The following PLCD4 variants were observed in gnomAD, a reference collection of about 807,000 sequenced individuals.
PLCD4 encodes the protein 1-phosphatidylinositol 4,5-bisphosphate phosphodiesterase delta-4.
PLCD4 carries 63 observed loss-of-function variants against 90.2 expected under a neutral mutation model. The observed-to-expected ratio is 0.70, with a 90% CI of 0.57 to 0.86. PLCD4 has a LOEUF of 0.86. Ranked by LOEUF, PLCD4 falls within the 40% of genes least tolerant of loss-of-function variation. The pLI is 0.00. For missense variants in PLCD4, 830 were observed against 956.3 expected (o/e 0.87, Z 1.74); for synonymous variants, 294 against 356.5 (o/e 0.82, Z 1.97).
chr2:218,616,960 A>AGAGAGAGAGAGAGAT (rs1553571997), intron 3 of PLCD4, among the ~76,000 whole-genome samples: 68 of 92,650 alleles, frequency 7.3e-4, no homozygotes, highest in African/African-American at 2.3e-3. Context: ...AGAGAGAGAG[A>AGAGAGAGAGAGAGAT]GAGAGAGAGA....
chr2:218,636,431 T>C lies in PLCD4; in HGVS notation c.2182+39T>C, dbSNP rs187195827. ...TTTGGCCCCTGGCCAATACCCCAGCTCTGGCTGCCTTCCTAATGCTGTCCT... is the reference window on the plus strand; with the variant it reads ...TTTGGCCCCTGGCCAATACCCCAGCCCTGGCTGCCTTCCTAATGCTGTCCT... On this transcript the variant is annotated intron_variant, in intron 15 of 15. Transcript: ENST00000450993. The C allele has an allele frequency of 6.2e-6, 10 of 1,613,956 alleles. No individual in the cohort carries two copies. The Admixed American group carries it at 1.0e-4, about 16-fold the overall frequency.
At chr2:218,621,318 G>T (rs575299148) in intron 4 of PLCD4, 152 bp from the exon 5 acceptor site, 1 of 881,728 alleles carries the variant, frequency 1.1e-6, no homozygotes, top group African/African-American at 1.7e-5. Flanking sequence ...GTGCTCTAGA[G>T]AGATTATTCT....
intron 4 of PLCD4, among the ~76,000 whole-genome samples, chr2:218,620,791 G>A (rs1244598485): frequency 6.6e-6 from 1 of 151,384 alleles, no homozygotes; most frequent in Non-Finnish European, 1.5e-5. Flanking sequence ...CTACTCAGGA[G>A]GCTGAGGCAG....
At chr2:218,613,787 G>A (rs1017254989) in intron 1 of PLCD4, among the ~76,000 whole-genome samples, 1 of 152,016 alleles carries the variant, frequency 6.6e-6, no homozygotes, top group African/African-American at 2.4e-5. Context: ...CACTGGTCTC[G>A]AACTCCTGGG....
In PLCD4 at chr2:218,621,608, G is replaced by C; in HGVS notation, c.540+9G>C. ...CCTTCAGTCTTTTTCAGGTGAGTCT[G>C]TGGGGAAGGATTTCCAGCGGCCAAC... On this transcript the variant is annotated intron_variant, in intron 5 of 15. Coordinates refer to ENST00000450993, the MANE Select transcript of PLCD4 (RefSeq NM_032726.4). The C allele has an allele frequency of 6.2e-7, 1 of 1,613,528 alleles. No individual in the cohort carries two copies. The highest frequency in any genetic ancestry group is 8.5e-7 in the Non-Finnish European group (1 of 1,179,592).
chr2:218,624,399 A>T (rs1333255177), intron 6 of PLCD4, among the ~76,000 whole-genome samples: 2 of 152,170 alleles, frequency 1.3e-5, no homozygotes, highest in African/African-American at 2.4e-5. Flanking sequence ...ACAATCTGTT[A>T]TTTCAGATTT....
intron 1 of PLCD4, among the ~76,000 whole-genome samples, chr2:218,614,050 C>T (rs946966566): frequency 2.1e-4 from 31 of 149,356 alleles, no homozygotes; most frequent in African/African-American, 7.5e-5. Context: ...GTCTTGCTCT[C>T]GCTCTGTTGC....
At chr2:218,616,898 TTA>T (rs1174872985) in intron 3 of PLCD4, among the ~76,000 whole-genome samples, 128 of 6,254 alleles carry the variant, frequency 0.02, 7 homozygotes, top group Admixed American at 0.045. Flanking sequence ...AGCCATTATT[TTA>T]TATATATATA....
In PLCD4 at chr2:218,621,559, A is replaced by C; in HGVS notation, c.500A>C (p.Asn167Thr). Residue 167 changes from asparagine to threonine, a missense_variant, in exon 5 of 16, where the codon AAT becomes ACT. Transcript: ENST00000450993. The stretch of plus-strand genomic sequence containing the variant: ...GTTCAGCGGTTATTGCACCTAATGA[A>C]TGTGGAAATGGACCAAGAATATGCC... ...QEVQRLLHLM[N>T]VEMDQEYAFS... 1 of 1,614,014 alleles carries C rather than the reference A, an allele frequency of 6.2e-7. No individual in the cohort carries two copies.
chr2:218,636,532 T>C lies in PLCD4; in HGVS notation c.2244T>C (p.Phe748=). The C allele has an allele frequency of 1.2e-6, 2 of 1,613,976 alleles. No homozygotes were observed. Among genetic ancestry groups the C allele is most frequent in the East Asian group, 2.2e-5 (1 of 44,864 alleles). Residue 748 remains phenylalanine, a synonymous_variant, in exon 16 of 16, where the codon TTT becomes TTC. Coordinates refer to ENST00000450993, the MANE Select transcript of PLCD4 (RefSeq NM_032726.4). ...DGISLRPASI[F]VYICIQEGLE... is the part of the protein sequence containing the mutation. The stretch of plus-strand genomic sequence containing the variant: ...TCAGCCTCCGCCCAGCTTCCATCTT[T>C]GTGTATATCTGCATCCAGGAAGGCC...
chr2:218,616,184 C>G, intron 3 of PLCD4, 122 bp downstream of exon 3: 1 of 1,133,200 alleles, frequency 8.8e-7, no homozygotes, highest in Non-Finnish European at 1.2e-6. Context: ...GTGGCTATAT[C>G]TGAGCCTGTA....
chr2:218,628,358 C>G (rs1368248677), intron 7 of PLCD4, 128 bp downstream of exon 7: 1 of 862,336 alleles, frequency 1.2e-6, no homozygotes, highest in Non-Finnish European at 1.8e-6. Flanking sequence ...CCCTGGATAC[C>G]AGAGACACTT....
intron 3 of PLCD4, among the ~76,000 whole-genome samples, chr2:218,616,923 TATATAGAGAGAG>T (rs1257683665): frequency 2.1e-4 from 5 of 24,144 alleles, no homozygotes; most frequent in African/African-American, 8.8e-4. Context: ...TATATATATA[TATATAGAGAGAG>T]AGAGAGAGAG....
chr2:218,636,451 T>G lies in PLCD4; in HGVS notation c.2183-20T>G. 6.2e-7 allele frequency: 1 copy of G among 1,614,036 alleles called. No homozygotes were observed. Among genetic ancestry groups the G allele is most frequent in the South Asian group, 1.1e-5 (1 of 91,080 alleles). On this transcript the variant is annotated intron_variant, in intron 15 of 15. Transcript: ENST00000450993. Reference sequence around the variant, plus strand: ...CCAGCTCTGGCTGCCTTCCTAATGCTGTCCTCCTGCCCCTTCCAGGTTACC... The same window carrying G: ...CCAGCTCTGGCTGCCTTCCTAATGCGGTCCTCCTGCCCCTTCCAGGTTACC...
At chr2:218,625,136 AGAAAG>A (rs1696059921) in intron 6 of PLCD4, among the ~76,000 whole-genome samples, 1 of 148,438 alleles carries the variant, frequency 6.7e-6, no homozygotes, top group African/African-American at 2.5e-5. Context: ...AAAAAAAGAA[AGAAAG>A]AAAGAAAAAA....
intron 3 of PLCD4, 111 bp from the exon 4 acceptor site, chr2:218,618,468 G>A: frequency 3.3e-6 from 3 of 898,770 alleles, no homozygotes. Context: ...GCAGAGGCTG[G>A]GGTTCTTTTC....
chr2:218,609,961 G>T (rs191676831), intron 1 of PLCD4: 550 of 152,486 alleles, frequency 3.6e-3, no homozygotes, highest in Non-Finnish European at 4.1e-3. Context: ...GAGCAAACAG[G>T]AAGACAGAGG....
chr2:218,625,203 A>G (rs1413662403), intron 6 of PLCD4, among the ~76,000 whole-genome samples: 1 of 150,246 alleles, frequency 6.7e-6, no homozygotes, highest in Non-Finnish European at 1.5e-5. Context: ...TCAGTCCAAG[A>G]CTCTGTTTCA....
chr2:218,616,921 TATATATAGAG>T (rs1307804520), intron 3 of PLCD4, among the ~76,000 whole-genome samples: 10 of 24,940 alleles, frequency 4.0e-4, no homozygotes, highest in African/African-American at 1.5e-3. Flanking sequence ...TATATATATA[TATATATAGAG>T]AGAGAGAGAG....
Sources: allele counts gnomAD v4.1 joint callset (sites outside exome capture counted in the v4.1 genomes callset), GRCh38; gene constraint gnomAD v4.1.1; transcripts MANE v1.5; gene names NCBI Gene and HGNC (gene_info 2026-07-23, HGNC 2026-07-21).